Variants in UBE4B observed in about 807,000 individuals in gnomAD.
UBE4B encodes ubiquitin conjugation factor E4 B.
In UBE4B, 27 loss-of-function variants were observed where a neutral mutation model predicts 148.1. The observed-to-expected ratio is 0.18, with a 90% CI of 0.13 to 0.25. UBE4B has a LOEUF of 0.25. Among genes scored for constraint, UBE4B ranks in the 10% least tolerant of loss-of-function variants. The probability of loss-of-function intolerance (pLI) is 1.00; values close to 1 mark genes in which losing one functional copy is unlikely to be tolerated. For missense variants in UBE4B, 1,170 were observed against 1,662.4 expected, an observed-to-expected ratio of 0.70 and a Z score of 5.15; for synonymous variants, 596 against 619.3, an observed-to-expected ratio of 0.96 and a Z score of 0.56.
At chr1:10,064,462 A>T (rs1438526384) in intron 1 of UBE4B, among the ~76,000 whole-genome samples, 1 of 152,206 alleles carries the variant, frequency 6.6e-6, no homozygotes, top group East Asian at 1.9e-4. Context: ...TAAGCCAAAA[A>T]TGGGATTTAT....
chr1:10,034,633 T>C (rs1643434038), intron 1 of UBE4B, among the ~76,000 whole-genome samples: 1 of 152,206 alleles, frequency 6.6e-6, no homozygotes, highest in South Asian at 2.1e-4. Flanking sequence ...ATTTCTTCAC[T>C]GGTTCATCAT....
chr1:10,043,744 A>G (rs552297419), intron 1 of UBE4B, among the ~76,000 whole-genome samples: 232 of 152,246 alleles, frequency 1.5e-3, no homozygotes, highest in Admixed American at 4.0e-3. Flanking sequence ...CTTCTTATAA[A>G]TAGATGGTGT....
rs376007292 is a variant in UBE4B, at chr1:10,144,977, A to G, written c.2401A>G (p.Lys801Glu). The G allele has an allele frequency of 1.2e-6, 2 of 1,613,794 alleles. No homozygotes were observed. Among genetic ancestry groups the G allele is most frequent in the Non-Finnish European group, 1.7e-6 (2 of 1,179,902 alleles). ...EDLKNNESQWKDSPLATRHRE... is the reference protein window; with the variant it reads ...EDLKNNESQWEDSPLATRHRE... Reference sequence around the variant, plus strand: ...TTTGAAAAATAATGAAAGCCAATGGAAAGATTCCCCACTGGCAACTAGACA... The same window carrying G: ...TTTGAAAAATAATGAAAGCCAATGGGAAGATTCCCCACTGGCAACTAGACA... The change falls in exon 18 of 28, where the codon AAA becomes GAA. Residue 801 changes from lysine to glutamate, a missense_variant. Around this residue, in one of 6 missense-constraint regions of UBE4B, gnomAD observed 388 missense variants for 536.0 expected, o/e 0.72. Transcript: ENST00000343090.
intron 21 of UBE4B, among the ~76,000 whole-genome samples, chr1:10,155,952 C>G (rs1646062235): frequency 6.6e-6 from 1 of 151,498 alleles, no homozygotes; most frequent in African/African-American, 2.4e-5. Context: ...TGAACCGGGA[C>G]CTGGGAGGTG....
intron 26 of UBE4B, chr1:10,179,183 T>C: frequency 1.8e-6 from 1 of 555,172 alleles, no homozygotes; most frequent in East Asian, 3.0e-5. Flanking sequence ...TCCCAGGCTT[T>C]CTTCTCTGTT....
chr1:10,129,378 G>C lies in UBE4B; in HGVS notation c.1639-14G>C. 6.2e-7 allele frequency: 1 copy of C among 1,608,472 alleles called. No homozygotes were observed. Among genetic ancestry groups the C allele is most frequent in the Non-Finnish European group, 8.5e-7 (1 of 1,175,354 alleles). ...AGATGAAATGCATTTAAATGACTCT[G>C]ATCTTATTTCTAGGCACTAGGTGAG... is the stretch of plus-strand genomic sequence containing the variant. On this transcript the variant is annotated splice_polypyrimidine_tract_variant and intron_variant, in intron 11 of 27. Transcript: ENST00000343090.
intron 7 of UBE4B, among the ~76,000 whole-genome samples, chr1:10,111,541 C>G (rs914923340): frequency 6.6e-6 from 1 of 152,178 alleles, no homozygotes; most frequent in Admixed American, 6.6e-5. Context: ...CTTCATCCGC[C>G]TGGTTCCGTG....
At chr1:10,051,622 G>A (rs1431161586) in intron 1 of UBE4B, among the ~76,000 whole-genome samples, 2 of 152,164 alleles carry the variant, frequency 1.3e-5, no homozygotes, top group South Asian at 2.1e-4. Context: ...TTTCTAAAAC[G>A]TGGAGTGATT....
At chr1:10,073,920 ATTTT>A in intron 2 of UBE4B, among the ~76,000 whole-genome samples, 1 of 74,852 alleles carries the variant, frequency 1.3e-5, no homozygotes, top group Middle Eastern at 9.4e-3. Context: ...CTTTCTTTCT[ATTTT>A]TTTTTTTTTT....
intron 17 of UBE4B, among the ~76,000 whole-genome samples, chr1:10,141,246 T>C (rs538853702): frequency 1.2e-4 from 19 of 152,282 alleles, no homozygotes; most frequent in South Asian, 6.2e-4. Flanking sequence ...AGCTGTGATA[T>C]CAGGTTCATG....
rs1349120362 is a variant in UBE4B at position 10,168,373 on chromosome 1, A to C, written c.3333+103A>C. On this transcript the variant is annotated intron_variant, in intron 24 of 27. Coordinates refer to ENST00000343090, the MANE Select transcript of UBE4B (RefSeq NM_001105562.3). This position sits in a 1 kb window ranked among gnomAD's most constrained non-coding sequence, Gnocchi z 4.9. ...TTGAAGTTCTGGAAATTTTAGGATC[A>C]CAGTCATCAATAAGTGAAATTCTGT... 3.7e-5 allele frequency: 55 copies of C among 1,471,362 alleles called. No homozygotes were observed. The highest frequency in any genetic ancestry group is 4.7e-5 in the Non-Finnish European group (52 of 1,100,228). 91.1% of individuals were successfully genotyped at this position (1,471,362 alleles called of 1,614,324 possible).
Position 10,171,242 on chromosome 1 carries a change from T to C in UBE4B, c.3438T>C (p.Phe1146=), listed in dbSNP as rs199837285. ...LKVENPEKYG[F]EPKKLLDQLT... ...TTGAAAACCCTGAGAAATACGGCTT[T>C]GAACCAAAGAAGCTGTTGGACCAAC... is the stretch of plus-strand genomic sequence containing the variant. Residue 1146 remains phenylalanine (F), a synonymous_variant, in exon 25 of 28, where the codon TTT becomes TTC. Transcript: ENST00000343090. The C allele has an allele frequency of 1.4e-5, 22 of 1,614,224 alleles. No individual in the cohort carries two copies. Among genetic ancestry groups the C allele is most frequent in the Non-Finnish European group, 1.9e-5 (22 of 1,180,042 alleles).
chr1:10,107,367 G>A lies in UBE4B; in HGVS notation c.1196+784G>A, dbSNP rs187585530. The A allele has an allele frequency of 4.1e-3, 5,321 of 1,288,528 alleles. 9 individuals are homozygous for A. The highest frequency in any genetic ancestry group is 5.0e-3 in the Non-Finnish European group (4,962 of 988,164). The allele number at this position is 1,288,528 out of a possible 1,614,324, so 79.8% of individuals were successfully genotyped here. A position where few individuals can be genotyped will look rare whatever the true frequency, so the allele number is the denominator to read the frequency against. On this transcript the variant is annotated intron_variant, in intron 7 of 27. Transcript: ENST00000343090. ...TGATGATTTTTCTTGTGTCCAGTTTGGGTCCAGGTATCAGAGGAATGGAGT... is the reference window on the plus strand; with the variant it reads ...TGATGATTTTTCTTGTGTCCAGTTTAGGTCCAGGTATCAGAGGAATGGAGT...
At chr1:10,127,512 G>A (rs896021196) in intron 11 of UBE4B, among the ~76,000 whole-genome samples, 36 of 152,264 alleles carry the variant, frequency 2.4e-4, no homozygotes, top group African/African-American at 7.7e-4. Context: ...TTCTGAATTC[G>A]CTTATTTGAA....
At chr1:10,162,330 C>G (rs373309448) in intron 23 of UBE4B, among the ~76,000 whole-genome samples, 1 of 152,176 alleles carries the variant, frequency 6.6e-6, no homozygotes, top group Non-Finnish European at 1.5e-5. Context: ...CCTGCCACTA[C>G]GCCTGGCTTA....
intron 3 of UBE4B, among the ~76,000 whole-genome samples, chr1:10,097,926 C>T (rs1025283681): frequency 2.6e-5 from 4 of 151,764 alleles, no homozygotes; most frequent in African/African-American, 9.7e-5. Flanking sequence ...ACTGGAATGC[C>T]GTGGCACAAT....
At chr1:10,142,469 G>A (rs765532827) in intron 17 of UBE4B, among the ~76,000 whole-genome samples, 12 of 152,112 alleles carry the variant, frequency 7.9e-5, no homozygotes, top group Admixed American at 1.3e-4. Context: ...TCAGGAGTTC[G>A]AGACCAGCCT....
At chr1:10,136,806 C>T (rs545951311) in intron 16 of UBE4B, among the ~76,000 whole-genome samples, 35 of 152,014 alleles carry the variant, frequency 2.3e-4, no homozygotes, top group African/African-American at 8.2e-4. Context: ...GTAATCCCAG[C>T]TTACTAGGGA....
Position 10,106,445 on chromosome 1 carries a change from C to A in UBE4B, c.1058C>A (p.Pro353His). The A allele has an allele frequency of 6.2e-7, 1 of 1,613,980 alleles. No individual in the cohort carries two copies. Among genetic ancestry groups the A allele is most frequent in the Non-Finnish European group, 8.5e-7 (1 of 1,179,962 alleles). The change falls in exon 7 of 28, where the codon CCC (proline) becomes CAC (histidine). Residue 353 changes from proline (P) to histidine (H), a missense_variant. Physicochemically the swap from Pro to His is moderately conservative, Grantham distance 77 (BLOSUM62 -2). Transcript: ENST00000343090. The surrounding 1 kb of genome is among the most constrained non-coding windows in gnomAD (Gnocchi z 4.2). ...GVSILSSSPS[P>H]PALASSPQAV... ...TCCATTCTGTCGAGCTCCCCAAGTC[C>A]CCCTGCCCTCGCCAGTAGCCCCCAA...
Sources: gnomAD v4.1 joint callset for allele counts (sites outside exome capture counted in the v4.1 genomes callset) on GRCh38, gnomAD v4.1.1 for gene constraint, gnomAD v4.1.1 regional missense constraint, Gnocchi (gnomAD v3.1) non-coding constraint, MANE v1.5 for transcripts, NCBI Gene and HGNC (gene_info 2026-07-23, HGNC 2026-07-21) for gene names.